Variants in CACNA1G observed in about 807,000 individuals in gnomAD.
CACNA1G encodes calcium voltage-gated channel subunit alpha1 G.
In CACNA1G, 67 loss-of-function variants were observed where a neutral mutation model predicts 219.4. The observed-to-expected ratio is 0.31, with a 90% CI of 0.25 to 0.37. The LOEUF (loss-of-function observed/expected upper bound fraction) is 0.37. CACNA1G is among the 10% of genes least tolerant of loss of function. CACNA1G has a pLI of 1.00. For missense variants in CACNA1G, 2,380 were observed against 3,231.4 expected (o/e 0.74, Z 6.39); for synonymous variants, 1,296 against 1,345.3 (o/e 0.96, Z 0.80).
intron 9 of CACNA1G, among the ~76,000 whole-genome samples, chr17:50,589,725 C>T (rs1251949936): frequency 6.6e-6 from 1 of 152,144 alleles, no homozygotes; most frequent in Non-Finnish European, 1.5e-5. Flanking sequence ...GGTTGAGAAT[C>T]TTGCTGAAGG....
rs114588866 is a variant in CACNA1G, at chr17:50,578,771, G to T, written c.2301+207G>T. On this transcript the variant is annotated intron_variant, in intron 9 of 37. Transcript: ENST00000359106. This position sits in a 1 kb window ranked among gnomAD's most constrained non-coding sequence, Gnocchi z 4.5. Reference sequence around the variant, plus strand: ...CTTAAAGTCTCTGAGTATGGAGGTCGCCTCAGGTAGGCCACAGGGTATGTT... The same window carrying T: ...CTTAAAGTCTCTGAGTATGGAGGTCTCCTCAGGTAGGCCACAGGGTATGTT... 0.012 allele frequency among the ~76,000 whole-genome samples: 1,799 copies of T among 152,252 alleles called. 41 individuals carry two copies. Among genetic ancestry groups the T allele is most frequent in the African/African-American group, 0.04 (1,657 of 41,512 alleles).
chr17:50,619,556 G>T, intron 33 of CACNA1G, 127 bp from the exon 34 acceptor site: 4 of 729,288 alleles, frequency 5.5e-6, no homozygotes, highest in Non-Finnish European at 8.8e-6. Flanking sequence ...GTGCATGTGT[G>T]TTGTCTGGGT....
At chr17:50,564,507 G>A (rs1456261654) in intron 1 of CACNA1G, among the ~76,000 whole-genome samples, 1 of 146,332 alleles carries the variant, frequency 6.8e-6, no homozygotes, top group South Asian at 2.3e-4. Context: ...GCCAGGAGTC[G>A]GGGGAGGAGA....
rs763663596 is a variant in CACNA1G, at chr17:50,576,025, C to T, written c.1623C>T (p.Ala541=). 3 of 1,565,994 alleles carry T rather than the reference C, an allele frequency of 1.9e-6. No individual in the cohort carries two copies. Among genetic ancestry groups the T allele is most frequent in the East Asian group, 2.4e-5 (1 of 41,750 alleles). The change falls in exon 8 of 38, where the codon GCC becomes GCT. Residue 541 remains alanine, a synonymous_variant. Coordinates refer to ENST00000359106, the MANE Select transcript of CACNA1G (RefSeq NM_018896.5). ...TGCTGCCACCACCCTCGACGCCTGC[C>T]CTCTCCGGGGCCCCCCCTGGTGGCG... ...RLMLPPPSTP[A]LSGAPPGGAE... is the part of the protein sequence containing the mutation.
intron 26 of CACNA1G, among the ~76,000 whole-genome samples, chr17:50,612,973 C>T (rs1390084057): frequency 6.6e-6 from 1 of 152,220 alleles, no homozygotes; most frequent in Non-Finnish European, 1.5e-5. Flanking sequence ...CTTCTCCACA[C>T]CTGGGTGCTT....
chr17:50,594,255 T>C (rs535349924), intron 13 of CACNA1G, among the ~76,000 whole-genome samples: 6 of 152,290 alleles, frequency 3.9e-5, no homozygotes, highest in African/African-American at 1.4e-4. Flanking sequence ...CTTAATTAAA[T>C]GAACAGGCAG....
intron 26 of CACNA1G, among the ~76,000 whole-genome samples, chr17:50,613,724 A>C (rs962566376): frequency 1.2e-4 from 18 of 152,192 alleles, no homozygotes; most frequent in Admixed American, 1.2e-3. Flanking sequence ...GCATTTATGG[A>C]GATTAATGCA....
At chr17:50,601,276 C>T in intron 19 of CACNA1G, 102 bp downstream of exon 19, 3 of 1,418,036 alleles carry the variant, frequency 2.1e-6, no homozygotes, top group Non-Finnish European at 2.9e-6. Context: ...GCAAGTCACA[C>T]AGCAGGGAAC....
In CACNA1G at chr17:50,590,730, A is replaced by T. The variant is rs8066026; in HGVS notation, c.2453+108A>T. 2.7e-5 allele frequency: 28 copies of T among 1,051,364 alleles called. No homozygotes were observed. In the African/African-American group the frequency reaches 3.5e-4, roughly 13 times the overall value. 65.1% of individuals were successfully genotyped at this position (1,051,364 alleles called of 1,614,324 possible). On this transcript the variant is annotated intron_variant, in intron 10 of 37. Transcript: ENST00000359106. ...CCCTGGGGTGGAGGGGTCTGGAGTC[A>T]GGCCCCACTGACCCCACAGGACCTG...
In CACNA1G at chr17:50,578,380, G is replaced by A. The variant is rs373108084; in HGVS notation, c.2117G>A (p.Arg706Gln). 8.2e-5 allele frequency: 132 copies of A among 1,613,138 alleles called. 1 individual carries two copies. The highest frequency in any genetic ancestry group is 9.7e-5 in the Non-Finnish European group (115 of 1,179,870). The change falls in exon 9 of 38, where the codon CGG (arginine) becomes CAG (glutamine). Residue 706 changes from arginine to glutamine, a missense_variant. This residue lies in a region of CACNA1G where 434 missense variants were observed against 417.3 expected (regional missense o/e 1.04). Coordinates refer to ENST00000359106, the MANE Select transcript of CACNA1G (RefSeq NM_018896.5). The surrounding 1 kb of genome is among the most constrained non-coding windows in gnomAD (Gnocchi z 4.5). ...CAGGATGCCCAGCACAGCGACCTCC[G>A]GGACCCCCACAGCCGGCGGCAACGG... ...FTQDAQHSDLRDPHSRRQRSL... is the reference protein window; with the variant it reads ...FTQDAQHSDLQDPHSRRQRSL...
At position 50,623,550 on chromosome 17, in the gene CACNA1G, T is replaced by C. The variant is rs1250323655; in HGVS notation, c.6061-357T>C. On this transcript the variant is annotated intron_variant, in intron 35 of 37. Coordinates refer to ENST00000359106, the MANE Select transcript of CACNA1G (RefSeq NM_018896.5). Reference sequence around the variant, plus strand: ...TCAGCTTGTGAGCCACCTGCAGGGCTGGGGGCTGGGGGCTGCTCTCCCTTC... The same window carrying C: ...TCAGCTTGTGAGCCACCTGCAGGGCCGGGGGCTGGGGGCTGCTCTCCCTTC... Among the ~76,000 whole-genome samples the C allele has an allele frequency of 3.3e-5, 5 of 152,188 alleles. No homozygotes were observed. The East Asian group carries it at 9.7e-4, about 29-fold the overall frequency.
At position 50,603,103 on chromosome 17, in the gene CACNA1G, T is replaced by C. The variant is rs1213613810; in HGVS notation, c.4073T>C (p.Val1358Ala). The C allele has an allele frequency of 1.2e-6, 2 of 1,613,350 alleles. No individual in the cohort carries two copies. The highest frequency in any genetic ancestry group is 3.3e-5 in the Admixed American group (2 of 59,988). Residue 1358 changes from valine (V) to alanine (A), a missense_variant, in exon 21 of 38, where the codon GTC becomes GCC. Around this residue, in one of 17 missense-constraint regions of CACNA1G, gnomAD observed 153 missense variants for 374.9 expected, o/e 0.41. Coordinates refer to ENST00000359106, the MANE Select transcript of CACNA1G (RefSeq NM_018896.5). The surrounding 1 kb of genome is among the most constrained non-coding windows in gnomAD (Gnocchi z 6.4). ...VLDGLLVLIS[V>A]IDILVSMVSD... ...GACGGGCTGTTGGTGCTCATCTCCG[T>C]CATCGACATTCTGGTGTCCATGGTC... is the stretch of plus-strand genomic sequence containing the variant.
intron 7 of CACNA1G, among the ~76,000 whole-genome samples, chr17:50,574,563 GC>G (rs145621633): frequency 0.021 from 3,115 of 151,660 alleles, 98 homozygotes; most frequent in African/African-American, 0.068. Flanking sequence ...CTCACCATGT[GC>G]CCCCCCCACC....
At chr17:50,595,593 A>C (rs1167314918) in intron 14 of CACNA1G, among the ~76,000 whole-genome samples, 1 of 152,268 alleles carries the variant, frequency 6.6e-6, no homozygotes, top group African/African-American at 2.4e-5. Context: ...CAATATTTTA[A>C]ATCACCTCTG....
At chr17:50,590,091 C>T (rs1047282184) in intron 9 of CACNA1G, among the ~76,000 whole-genome samples, 5 of 152,160 alleles carry the variant, frequency 3.3e-5, no homozygotes, top group African/African-American at 4.8e-5. Flanking sequence ...CTCTGACATC[C>T]GCCAGCATTG....
At chr17:50,608,726 C>T (rs1417267295) in intron 25 of CACNA1G, among the ~76,000 whole-genome samples, 1 of 152,104 alleles carries the variant, frequency 6.6e-6, no homozygotes, top group Admixed American at 6.5e-5. Flanking sequence ...GTCCTCATGC[C>T]CTTATGCCAT....
In CACNA1G at chr17:50,568,962, A is replaced by T. The variant is rs751757027; in HGVS notation, c.335A>T (p.Gln112Leu). Residue 112 changes from glutamine to leucine, a missense_variant, in exon 2 of 38, where the codon CAG (glutamine) becomes CTG (leucine). Coordinates refer to ENST00000359106, the MANE Select transcript of CACNA1G (RefSeq NM_018896.5). Reference protein sequence around the residue: ...RPCEDIACDSQRCRILQAFDD... With the variant: ...RPCEDIACDSLRCRILQAFDD... ...TGCGAGGACATCGCCTGTGACTCCC[A>T]GCGCTGCCGGATCCTGCAGGTGAGT... is the stretch of plus-strand genomic sequence containing the variant. 6.2e-7 allele frequency: 1 copy of T among 1,608,988 alleles called. No individual in the cohort carries two copies. The highest frequency in any genetic ancestry group is 1.1e-5 in the South Asian group (1 of 90,930).
chr17:50,572,076 G>A (rs2039553870), intron 5 of CACNA1G, 39 bp downstream of exon 5: 1 of 1,594,260 alleles, frequency 6.3e-7, no homozygotes, highest in Non-Finnish European at 8.6e-7. Context: ...CCTGGGAGTG[G>A]TTATGGGGCT....
chr17:50,566,149 G>T (rs1324107771), intron 1 of CACNA1G, among the ~76,000 whole-genome samples: 1 of 152,168 alleles, frequency 6.6e-6, no homozygotes, highest in Non-Finnish European at 1.5e-5. Context: ...CTCAGTCAGG[G>T]GAGATCATGT....
Sources: allele counts gnomAD v4.1 joint callset (sites outside exome capture counted in the v4.1 genomes callset), GRCh38; gene constraint gnomAD v4.1.1; regional missense constraint gnomAD v4.1.1; non-coding constraint Gnocchi (gnomAD v3.1); transcripts MANE v1.5; gene names NCBI Gene and HGNC (gene_info 2026-07-23, HGNC 2026-07-21).